The following ADGRG4 variants were observed in gnomAD, a reference collection of about 807,000 sequenced individuals.
The protein encoded by ADGRG4 is adhesion G protein-coupled receptor G4, also known as G protein-coupled receptor 112.
A neutral mutation model predicts 126.2 loss-of-function variants in ADGRG4; 122 were observed. That is an observed-to-expected ratio of 0.97 (90% CI 0.83 to 1.12). ADGRG4 has a LOEUF of 1.12. Among genes scored for constraint, ADGRG4 ranks in the 50% most tolerant of loss-of-function variants. ADGRG4 has a pLI of 0.00. For missense variants in ADGRG4, 2,481 were observed against 2,251.8 expected, an observed-to-expected ratio of 1.10 and a Z score of -2.06; for synonymous variants, 943 against 838.7, an observed-to-expected ratio of 1.12 and a Z score of -2.15.
chrX:136,397,420 A>G (rs754363958), intron 19 of ADGRG4, among the ~76,000 whole-genome samples: 19 of 110,117 alleles, frequency 1.7e-4, no homozygotes, highest in Non-Finnish European at 5.7e-5. Context: ...TAAATCACTG[A>G]ACTTTGTGAT....
At chrX:136,312,988 T>C (rs995280986) in intron 4 of ADGRG4, among the ~76,000 whole-genome samples, 4 of 112,628 alleles carry the variant, frequency 3.6e-5, no homozygotes, top group Admixed American at 9.4e-5. Context: ...GCATCAGCAG[T>C]TCATTTATTT....
intron 1 of ADGRG4, among the ~76,000 whole-genome samples, chrX:136,301,277 T>C (rs1403345896): frequency 1.8e-5 from 2 of 112,236 alleles, no homozygotes; most frequent in Non-Finnish European, 3.8e-5. Context: ...ATGATCGCCA[T>C]TCTAACTGGT....
intron 1 of ADGRG4, among the ~76,000 whole-genome samples, chrX:136,302,098 G>T (rs967368361): frequency 2.7e-5 from 3 of 112,019 alleles, no homozygotes; most frequent in African/African-American, 9.7e-5. Flanking sequence ...CTTTAAAGTA[G>T]TTTTTTTCCA....
In ADGRG4 at chrX:136,345,353, G is replaced by C; in HGVS notation, c.1647G>C (p.Ser549=). ...AAGATGCCATGTCTACTTCCATGTC[G>C]AAAGAGACCTCCTCTAAGACCTTTT... is the stretch of plus-strand genomic sequence containing the variant. ...RVEDAMSTSM[S]KETSSKTFSF... Residue 549 remains serine, a synonymous_variant, in exon 6 of 26, where the codon TCG becomes TCC. Coordinates refer to ENST00000394143, the MANE Select transcript of ADGRG4 (RefSeq NM_153834.4). The C allele has an allele frequency of 8.3e-7, 1 of 1,210,480 alleles. No individual in the cohort carries two copies. Among genetic ancestry groups the C allele is most frequent in the Non-Finnish European group, 1.1e-6 (1 of 894,722 alleles).
rs1465771697 is a variant in ADGRG4, at chrX:136,348,091, T to C, written c.4385T>C (p.Phe1462Ser). Reference sequence around the variant, plus strand: ...TTCATTTCTGAAAGCACACAGACTTTCCCTGAGTCCTTGTCTCTTTCCACA... The same window carrying C: ...TTCATTTCTGAAAGCACACAGACTTCCCCTGAGTCCTTGTCTCTTTCCACA... ...ASFISESTQT[F>S]PESLSLSTAG... Residue 1462 changes from phenylalanine (F) to serine (S), a missense_variant, in exon 6 of 26, where the codon TTC (phenylalanine) becomes TCC (serine). By Grantham distance (155) the Phe-to-Ser change is radical (BLOSUM62 -2). Transcript: ENST00000394143. The C allele has an allele frequency of 1.7e-6, 2 of 1,208,478 alleles. No individual in the cohort carries two copies. The highest frequency in any genetic ancestry group is 3.5e-5 in the African/African-American group (2 of 57,128).
rs759277452 is a variant in ADGRG4 at position 136,394,630 on chromosome X, C to T, written c.8081-760C>T. Among the ~76,000 whole-genome samples the T allele has an allele frequency of 2.7e-3, 303 of 112,070 alleles. 2 individuals are homozygous for T. The highest frequency in any genetic ancestry group is 9.1e-3 in the African/African-American group (280 of 30,860). The stretch of plus-strand genomic sequence containing the variant: ...ATATGTTGATCTCTATGTTCATTAA[C>T]GCAAATTGCTGGGGTACTCCCAGGT... On this transcript the variant is annotated intron_variant, in intron 18 of 25. Transcript: ENST00000394143.
chrX:136,338,579 A>T (rs2074961519), intron 5 of ADGRG4, among the ~76,000 whole-genome samples: 1 of 111,988 alleles, frequency 8.9e-6, no homozygotes, highest in Non-Finnish European at 1.9e-5. Context: ...AACAATGTTT[A>T]TTTCTTTTCT....
chrX:136,357,714 G>A lies in ADGRG4; in HGVS notation c.6938G>A (p.Arg2313Lys), dbSNP rs1468956889. Residue 2313 changes from arginine to lysine, a missense_variant, in exon 10 of 26, where the codon AGA becomes AAA. Arg to Lys is a conservative substitution (Grantham distance 26). Coordinates refer to ENST00000394143, the MANE Select transcript of ADGRG4 (RefSeq NM_153834.4). ...MVMDRAILEQ[R>K]EGQEMATISY... is the part of the protein sequence containing the mutation. ...TTTCTTTTGCATTAGTTGGAACAGA[G>A]AGAAGGACAAGAAATGGCTACAATT... The A allele has an allele frequency of 8.4e-7, 1 of 1,190,008 alleles. No homozygotes were observed. Among genetic ancestry groups the A allele is most frequent in the Non-Finnish European group, 1.1e-6 (1 of 877,870 alleles).
At chrX:136,321,411 A>G (rs1408223599) in intron 4 of ADGRG4, among the ~76,000 whole-genome samples, 1 of 111,366 alleles carries the variant, frequency 9.0e-6, no homozygotes, top group Non-Finnish European at 1.9e-5. Flanking sequence ...AGAGAATACT[A>G]TATGGTCAGA....
chrX:136,313,945 G>T (rs761813024), intron 4 of ADGRG4, among the ~76,000 whole-genome samples: 2 of 111,037 alleles, frequency 1.8e-5, no homozygotes, highest in Admixed American at 9.6e-5. Flanking sequence ...TCTGGAAATG[G>T]CTTCTCTGCA....
At chrX:136,303,600 A>G (rs978990455) in intron 1 of ADGRG4, among the ~76,000 whole-genome samples, 16 of 112,567 alleles carry the variant, frequency 1.4e-4, no homozygotes, top group Non-Finnish European at 2.6e-4. Flanking sequence ...GTGAAAGTAT[A>G]AAGGAATGCA....
intron 7 of ADGRG4, among the ~76,000 whole-genome samples, chrX:136,352,390 G>T (rs754011734): frequency 3.6e-5 from 4 of 110,276 alleles, no homozygotes; most frequent in Non-Finnish European, 5.7e-5. Flanking sequence ...GCTGGGCTGG[G>T]CACTGTGGCT....
At position 136,405,695 on chromosome X, in the gene ADGRG4, T is replaced by C. The variant is rs768449018; in HGVS notation, c.8658T>C (p.Cys2886=). 1 of 1,156,478 alleles carries C rather than the reference T, an allele frequency of 8.6e-7. No homozygotes were observed. The highest frequency in any genetic ancestry group is 1.8e-5 in the African/African-American group (1 of 55,464). The change falls in exon 23 of 26, where the codon TGT becomes TGC. Residue 2886 remains cysteine, a synonymous_variant. Coordinates refer to ENST00000394143, the MANE Select transcript of ADGRG4 (RefSeq NM_153834.4). ...YGTLSPTTPF[C]WIKDDSIFYI... ...TAGTCTTCTTTGTTTCTTACAGTTG[T>C]TGGATTAAAGATGATTCTATCTTTT...
intron 8 of ADGRG4, among the ~76,000 whole-genome samples, chrX:136,354,795 A>G (rs766504334): frequency 1.8e-5 from 2 of 111,516 alleles, no homozygotes; most frequent in South Asian, 7.6e-4. Context: ...GTTTATTATA[A>G]AGGATACTGC....
intron 3 of ADGRG4, among the ~76,000 whole-genome samples, chrX:136,307,351 T>C (rs2074740565): frequency 8.9e-6 from 1 of 112,451 alleles, no homozygotes; most frequent in South Asian, 3.7e-4. Context: ...AACAAAAATA[T>C]GTATGGCCTC....
Position 136,347,523 on chromosome X carries a change from G to A in ADGRG4, c.3817G>A (p.Glu1273Lys), listed in dbSNP as rs1261828733. The A allele has an allele frequency of 1.1e-5, 13 of 1,207,839 alleles. No individual in the cohort carries two copies. Among genetic ancestry groups the A allele is most frequent in the Non-Finnish European group, 1.5e-5 (13 of 893,658 alleles). ...ISLGKTPRTM[E>K]VTEMSPSKNS... Reference sequence around the variant, plus strand: ...CCTGGGAAAAACCCCTAGAACTATGGAGGTGACAGAAATGTCCCCATCAAA... The same window carrying A: ...CCTGGGAAAAACCCCTAGAACTATGAAGGTGACAGAAATGTCCCCATCAAA... Residue 1273 changes from glutamate (E) to lysine (K), a missense_variant, in exon 6 of 26, where the codon GAG (glutamate) becomes AAG (lysine). Glu to Lys is a moderately conservative substitution (Grantham distance 56). Transcript: ENST00000394143.
At chrX:136,413,423 A>AT (rs775686947) in intron 24 of ADGRG4, among the ~76,000 whole-genome samples, 5 of 110,723 alleles carry the variant, frequency 4.5e-5, no homozygotes, top group Non-Finnish European at 7.6e-5. Flanking sequence ...TGAACTCATC[A>AT]TTTTTTATGG....
At chrX:136,340,014 TAA>T (rs760503774) in intron 5 of ADGRG4, among the ~76,000 whole-genome samples, 2 of 110,195 alleles carry the variant, frequency 1.8e-5, no homozygotes, top group East Asian at 5.7e-4. Flanking sequence ...CCATTTAGGA[TAA>T]AAAAAATCCC....
intron 10 of ADGRG4, 112 bp downstream of exon 10, chrX:136,357,868 A>T: frequency 2.0e-6 from 1 of 510,359 alleles, no homozygotes; most frequent in East Asian, 3.6e-5. Context: ...AGAAGATCAA[A>T]GTACCCAGTG....
Sources: gnomAD v4.1 joint callset for allele counts (sites outside exome capture counted in the v4.1 genomes callset) on GRCh38, gnomAD v4.1.1 for gene constraint, MANE v1.5 for transcripts, NCBI Gene and HGNC (gene_info 2026-07-23, HGNC 2026-07-21) for gene names.